Variants in KCNK17 observed in about 807,000 individuals in gnomAD.
The protein encoded by KCNK17 is potassium channel subfamily K member 17.
In KCNK17, 27 loss-of-function variants were observed where a neutral mutation model predicts 24.6. The ratio of observed to expected loss-of-function variants is 1.10; its 90% CI spans 0.81 to 1.51. The LOEUF (loss-of-function observed/expected upper bound fraction) is 1.51, where lower values mean the gene tolerates loss of function less well. Ranked by LOEUF, KCNK17 falls within the 40% of genes most tolerant of loss-of-function variation. The pLI is 0.00. For missense variants in KCNK17, 450 were observed against 436.6 expected, an observed-to-expected ratio of 1.03 and a Z score of -0.27; for synonymous variants, 181 against 189.8, an observed-to-expected ratio of 0.95 and a Z score of 0.38.
chr6:39,304,323 C>T (rs1345129532), intron 3 of KCNK17, 172 bp downstream of exon 3: 2 of 770,292 alleles, frequency 2.6e-6, no homozygotes, highest in Admixed American at 2.6e-5. Context: ...CCCATCTCCA[C>T]CATTAATGCC....
rs553730093 is a variant in KCNK17 at position 39,312,134 on chromosome 6, T to G, written c.238-1127A>C. 1.6e-3 allele frequency among the ~76,000 whole-genome samples: 248 copies of G among 152,186 alleles called. 2 individuals are homozygous for G. The highest frequency in any genetic ancestry group is 5.7e-3 in the African/African-American group (237 of 41,540). ...CAGAAGCCCAGGCCTCTGGCCCTAT[T>G]TAGTATGGGCAGTAAAGGAGATGTT... On this transcript the variant is annotated intron_variant, in intron 1 of 4. Coordinates refer to ENST00000373231, the MANE Select transcript of KCNK17 (RefSeq NM_031460.4).
At chr6:39,303,868 C>A in intron 4 of KCNK17, 89 bp downstream of exon 4, 2 of 1,444,054 alleles carry the variant, frequency 1.4e-6, no homozygotes, top group Non-Finnish European at 9.5e-7. Context: ...ATGGCGTGCA[C>A]ACAGCAGGTG....
rs1761997656 is a variant in KCNK17, at chr6:39,304,338, T to A, written c.513+157A>T. 1.0e-5 allele frequency: 8 copies of A among 797,072 alleles called. No homozygotes were observed. In the South Asian group the frequency reaches 1.4e-4, roughly 14 times the overall value. 49.4% of individuals were successfully genotyped at this position (797,072 alleles called of 1,614,324 possible). ...CCCATCTCCACCATTAATGCCCTTT[T>A]TCACTAAGGACCCTATTCTGAGCAG... On this transcript the variant is annotated intron_variant, in intron 3 of 4. Coordinates refer to ENST00000373231, the MANE Select transcript of KCNK17 (RefSeq NM_031460.4).
chr6:39,310,419 C>A (rs1053965439), intron 2 of KCNK17, among the ~76,000 whole-genome samples: 4 of 151,888 alleles, frequency 2.6e-5, no homozygotes, highest in African/African-American at 9.7e-5. Flanking sequence ...ATGGCCACCT[C>A]CCCCAGGGCT....
At chr6:39,313,066 C>G (rs183543213) in intron 1 of KCNK17, among the ~76,000 whole-genome samples, 1 of 152,306 alleles carries the variant, frequency 6.6e-6, no homozygotes, top group African/African-American at 2.4e-5. Context: ...GACTGCAAGA[C>G]GGGGATTCTG....
At chr6:39,302,867 C>A (rs1562080762) in intron 4 of KCNK17, among the ~76,000 whole-genome samples, 1 of 152,130 alleles carries the variant, frequency 6.6e-6, no homozygotes, top group African/African-American at 2.4e-5. Flanking sequence ...CAACACCTGA[C>A]CCCTCTTCCT....
chr6:39,304,038 T>C lies in KCNK17; in HGVS notation c.607A>G (p.Met203Val), dbSNP rs569798584. ...CCCTCTGTGTAGCTCCAGCCCTCCA[T>C]GTGGGAGAAGAGCAGCGGTGGCAGC... is the stretch of plus-strand genomic sequence containing the variant. ...LLLPPLLFSH[M>V]EGWSYTEGFY... is the part of the protein sequence containing the mutation. The change falls in exon 4 of 5, where the codon ATG becomes GTG. Residue 203 changes from methionine to valine, a missense_variant. Physicochemically the swap from Met to Val is conservative, Grantham distance 21. Coordinates refer to ENST00000373231, the MANE Select transcript of KCNK17 (RefSeq NM_031460.4). The C allele has an allele frequency of 3.1e-6, 5 of 1,613,786 alleles. No homozygotes were observed. In the South Asian group the frequency reaches 3.3e-5, roughly 11 times the overall value.
At position 39,314,254 on chromosome 6, in the gene KCNK17, C is replaced by G; in HGVS notation, c.67G>C (p.Val23Leu). 1 of 1,532,586 alleles carries G rather than the reference C, an allele frequency of 6.5e-7. No individual in the cohort carries two copies. The highest frequency in any genetic ancestry group is 8.7e-7 in the Non-Finnish European group (1 of 1,144,040). The allele number at this position is 1,532,586 out of a possible 1,614,324, so 94.9% of individuals were successfully genotyped here. ...GCCAGGTAGGCGAGCAGCAGGAGCA[C>G]GGTGCTGGGCACCGCGCAGCCCCGG... ...RVRGCAVPSTVLLLLAYLAYL... is the reference protein window; with the variant it reads ...RVRGCAVPSTLLLLLAYLAYL... The change falls in exon 1 of 5, where the codon GTG (valine) becomes CTG (leucine). Residue 23 changes from valine (V) to leucine (L), a missense_variant. Coordinates refer to ENST00000373231, the MANE Select transcript of KCNK17 (RefSeq NM_031460.4).
At chr6:39,304,703 C>A in intron 2 of KCNK17, 48 bp from the exon 3 acceptor site, 1 of 1,578,274 alleles carries the variant, frequency 6.3e-7, no homozygotes, top group Non-Finnish European at 8.7e-7. Flanking sequence ...CCAGCCCTGT[C>A]CACTCACCAC....
chr6:39,300,159 G>A (rs1401978591), intron 4 of KCNK17, among the ~76,000 whole-genome samples: 1 of 152,228 alleles, frequency 6.6e-6, no homozygotes, highest in South Asian at 2.1e-4. Context: ...GTCTCACTCT[G>A]TTGCCCAGGC....
intron 4 of KCNK17, among the ~76,000 whole-genome samples, chr6:39,303,552 C>T (rs1761979051): frequency 6.6e-6 from 1 of 152,190 alleles, no homozygotes; most frequent in African/African-American, 2.4e-5. Context: ...GGCTGGGGTT[C>T]CAGGAGTCTC....
chr6:39,310,794 G>C, intron 2 of KCNK17, 99 bp downstream of exon 2: 1 of 743,584 alleles, frequency 1.3e-6, no homozygotes, highest in South Asian at 1.9e-5. Context: ...GGAGTCATGA[G>C]ACTCCAGGTA....
chr6:39,313,013 G>A (rs1259002923), intron 1 of KCNK17, among the ~76,000 whole-genome samples: 1 of 152,194 alleles, frequency 6.6e-6, no homozygotes, highest in Non-Finnish European at 1.5e-5. Flanking sequence ...CACCTTCCGG[G>A]GATTGGCTTT....
At chr6:39,304,429 C>G in intron 3 of KCNK17, 66 bp downstream of exon 3, 1 of 1,416,144 alleles carries the variant, frequency 7.1e-7, no homozygotes, top group South Asian at 1.2e-5. Context: ...TTAGTAACCC[C>G]AATTCCCACC....
chr6:39,309,046 C>A (rs1434771389), intron 2 of KCNK17, among the ~76,000 whole-genome samples: 1 of 152,252 alleles, frequency 6.6e-6, no homozygotes, highest in Non-Finnish European at 1.5e-5. Context: ...TGAAAATAGG[C>A]TGGACACAGT....
At position 39,310,871 on chromosome 6, in the gene KCNK17, C is replaced by A; in HGVS notation, c.352+22G>T. The A allele has an allele frequency of 4.2e-6, 6 of 1,445,274 alleles. No homozygotes were observed. In the South Asian group the frequency reaches 4.8e-5, roughly 12 times the overall value. The allele number at this position is 1,445,274 out of a possible 1,614,324, so 89.5% of individuals were successfully genotyped here. On this transcript the variant is annotated intron_variant, in intron 2 of 4. Transcript: ENST00000373231. ...TGCCTCCTTCCCCCACCCCCATCCC[C>A]CTGGCCCCATCTGGCCCTTACCAAT... is the stretch of plus-strand genomic sequence containing the variant.
rs920968865 is a variant in KCNK17 at position 39,307,417 on chromosome 6, G to A, written c.353-2762C>T. ...TCTCCTTTCTGTAGGCATCTAGGGC[G>A]AGGTAAACCTCTTACTTTCCACCCA... On this transcript the variant is annotated intron_variant, in intron 2 of 4. Coordinates refer to ENST00000373231, the MANE Select transcript of KCNK17 (RefSeq NM_031460.4). 7.2e-5 allele frequency among the ~76,000 whole-genome samples: 11 copies of A among 152,162 alleles called. No homozygotes were observed. The East Asian group carries it at 1.7e-3, about 24-fold the overall frequency.
chr6:39,307,484 G>A (rs969922839), intron 2 of KCNK17, among the ~76,000 whole-genome samples: 3 of 152,252 alleles, frequency 2.0e-5, no homozygotes, highest in Admixed American at 2.0e-4. Context: ...TCCTCCAGCT[G>A]TAGGTCCTGC....
intron 4 of KCNK17, chr6:39,300,430 CTG>C (rs1562079870): frequency 6.7e-7 from 1 of 1,497,192 alleles, no homozygotes; most frequent in East Asian, 2.5e-5. Context: ...GGCCAGAAAT[CTG>C]TATTTTAACA....
Sources: gnomAD v4.1 joint callset for allele counts (sites outside exome capture counted in the v4.1 genomes callset) on GRCh38, gnomAD v4.1.1 for gene constraint, MANE v1.5 for transcripts, NCBI Gene and HGNC (gene_info 2026-07-23, HGNC 2026-07-21) for gene names.